SORCS3: variants seen among roughly 807,000 people sequenced by gnomAD.
SORCS3 encodes the protein sortilin related VPS10 domain containing receptor 3.
SORCS3 carries 57 observed loss-of-function variants against 146.3 expected under a neutral mutation model. The observed-to-expected ratio is 0.39, with a 90% CI of 0.31 to 0.49. SORCS3 has a LOEUF of 0.49. Ranked by LOEUF, SORCS3 falls within the 20% of genes least tolerant of loss-of-function variation. The probability of loss-of-function intolerance (pLI) is 0.92; values close to 1 mark genes in which losing one functional copy is unlikely to be tolerated. For missense variants in SORCS3, 1,341 were observed against 1,575.5 expected (o/e 0.85, Z 2.52); for synonymous variants, 653 against 618.5 (o/e 1.06, Z -0.83).
chr10:104,935,857 G>A (rs1207907068), intron 3 of SORCS3, among the ~76,000 whole-genome samples: 1 of 152,166 alleles, frequency 6.6e-6, no homozygotes. Context: ...TGGGTGGAGT[G>A]AAAGCACCTG....
At chr10:105,028,987 G>T (rs1272982929) in intron 4 of SORCS3, among the ~76,000 whole-genome samples, 2 of 152,170 alleles carry the variant, frequency 1.3e-5, no homozygotes, top group Non-Finnish European at 2.9e-5. Context: ...TGCCACAACA[G>T]CTCAACTCTA....
chr10:104,871,003 C>T (rs1337589728), intron 2 of SORCS3, among the ~76,000 whole-genome samples: 2 of 152,154 alleles, frequency 1.3e-5, no homozygotes, highest in Non-Finnish European at 2.9e-5. Flanking sequence ...GCACAGTGGG[C>T]AGAGCAGCCC....
chr10:104,902,965 C>G (rs991118253), intron 2 of SORCS3, among the ~76,000 whole-genome samples: 5 of 152,104 alleles, frequency 3.3e-5, no homozygotes, highest in African/African-American at 4.8e-5. Context: ...CCATGGAGAC[C>G]CCCTGAGCAG....
At position 105,159,138 on chromosome 10, in the gene SORCS3, C is replaced by G. The variant is rs1359357788; in HGVS notation, c.1732+144C>G. The G allele has an allele frequency of 2.0e-5, 12 of 588,602 alleles. No individual in the cohort carries two copies. In the Admixed American group the frequency reaches 2.5e-4, roughly 12 times the overall value. The allele number at this position is 588,602 out of a possible 1,614,324, so 36.5% of individuals were successfully genotyped here. ...AGAAAATATGCAGGGTTCCTCAATA[C>G]CCATCTAAGAACCTAACATGCAAAG... is the stretch of plus-strand genomic sequence containing the variant. On this transcript the variant is annotated intron_variant, in intron 11 of 26. Transcript: ENST00000369701.
At chr10:104,942,767 AGAG>A (rs1461956632) in intron 3 of SORCS3, among the ~76,000 whole-genome samples, 1 of 152,246 alleles carries the variant, frequency 6.6e-6, no homozygotes, top group African/African-American at 2.4e-5. Flanking sequence ...TTATCCAACT[AGAG>A]GAGAACTTCC....
intron 6 of SORCS3, among the ~76,000 whole-genome samples, chr10:105,104,613 A>T (rs908262370): frequency 6.6e-6 from 1 of 152,224 alleles, no homozygotes; most frequent in African/African-American, 2.4e-5. Context: ...TAAAAATAAT[A>T]AAAATGTATC....
At chr10:104,930,254 C>G (rs1473237181) in intron 3 of SORCS3, among the ~76,000 whole-genome samples, 1 of 152,146 alleles carries the variant, frequency 6.6e-6, no homozygotes, top group East Asian at 1.9e-4. Flanking sequence ...AGCAAAAAGA[C>G]TAAAGCTTTC....
intron 1 of SORCS3, among the ~76,000 whole-genome samples, chr10:104,828,458 C>T (rs1025640601): frequency 5.3e-5 from 8 of 152,076 alleles, no homozygotes; most frequent in African/African-American, 1.7e-4. Flanking sequence ...GGGCATGGTT[C>T]ATGGTGCCCA....
At chr10:104,850,800 A>G (rs1417712417) in intron 2 of SORCS3, among the ~76,000 whole-genome samples, 3 of 152,230 alleles carry the variant, frequency 2.0e-5, no homozygotes, top group Admixed American at 2.0e-4. Flanking sequence ...CCATACTGGG[A>G]AGTCAAACAG....
intron 3 of SORCS3, among the ~76,000 whole-genome samples, chr10:104,933,878 T>C (rs892932768): frequency 6.6e-6 from 1 of 152,156 alleles, no homozygotes; most frequent in South Asian, 2.1e-4. Flanking sequence ...CACTGCAACC[T>C]CCACAACCCG....
Position 105,110,320 on chromosome 10 carries a change from A to G in SORCS3, c.1212+4805A>G, listed in dbSNP as rs1364652493. The stretch of plus-strand genomic sequence containing the variant: ...CTCTTCATCATACAGGTTATTTTAA[A>G]TTATAGCAGTGTGTTTGCAATTTTT... On this transcript the variant is annotated intron_variant, in intron 7 of 26. Coordinates refer to ENST00000369701, the MANE Select transcript of SORCS3 (RefSeq NM_014978.3). Among the ~76,000 whole-genome samples, 3 of 152,036 alleles carry G rather than the reference A, an allele frequency of 2.0e-5. No homozygotes were observed. In the East Asian group the frequency reaches 5.8e-4, roughly 29 times the overall value.
At chr10:105,052,268 C>T (rs2055418387) in intron 5 of SORCS3, among the ~76,000 whole-genome samples, 1 of 152,132 alleles carries the variant, frequency 6.6e-6, no homozygotes, top group African/African-American at 2.4e-5. Context: ...CATCCACTCA[C>T]CTAATCCAGT....
chr10:104,954,000 C>G (rs1007641625), intron 3 of SORCS3, among the ~76,000 whole-genome samples: 2 of 151,988 alleles, frequency 1.3e-5, no homozygotes, highest in African/African-American at 2.4e-5. Flanking sequence ...TTGGGCAAGG[C>G]CAGGAAAATT....
chr10:104,778,089 A>G (rs2017330331), intron 1 of SORCS3, among the ~76,000 whole-genome samples: 1 of 152,218 alleles, frequency 6.6e-6, no homozygotes, highest in South Asian at 2.1e-4. Flanking sequence ...AATATATGGT[A>G]TATTTCAAAG....
At chr10:105,114,069 A>G (rs2055876987) in intron 7 of SORCS3, among the ~76,000 whole-genome samples, 3 of 152,166 alleles carry the variant, frequency 2.0e-5, no homozygotes, top group Non-Finnish European at 1.5e-5. Context: ...TCCTTTAGTA[A>G]TAAGATTCAT....
rs531139726 is a variant in SORCS3, at chr10:105,048,338, G to A, written c.1028+5210G>A. 2.2e-3 allele frequency among the ~76,000 whole-genome samples: 327 copies of A among 149,376 alleles called. 1 individual carries two copies. The highest frequency in any genetic ancestry group is 3.5e-3 in the Middle Eastern group (1 of 288). ...AGAAAATGTGGCACATATACACCAT[G>A]GAATACTATGCAGCCATAAAAAATG... On this transcript the variant is annotated intron_variant, in intron 5 of 26. Coordinates refer to ENST00000369701, the MANE Select transcript of SORCS3 (RefSeq NM_014978.3).
intron 7 of SORCS3, among the ~76,000 whole-genome samples, chr10:105,126,299 A>G (rs1202276197): frequency 1.3e-5 from 2 of 152,078 alleles, no homozygotes; most frequent in Admixed American, 6.6e-5. Context: ...CCTGGTACCA[A>G]CAACTCACCT....
intron 20 of SORCS3, among the ~76,000 whole-genome samples, chr10:105,240,418 A>G (rs1335601261): frequency 6.6e-6 from 1 of 152,212 alleles, no homozygotes; most frequent in Non-Finnish European, 1.5e-5. Flanking sequence ...GCAGTAAAAC[A>G]AAACGGAAAA....
chr10:104,867,556 G>A (rs1424229562), intron 2 of SORCS3, among the ~76,000 whole-genome samples: 7 of 152,026 alleles, frequency 4.6e-5, no homozygotes, highest in Non-Finnish European at 8.8e-5. Context: ...TGATCTGCCC[G>A]CCTAGGCCTC....
Sources: allele counts gnomAD v4.1 joint callset (sites outside exome capture counted in the v4.1 genomes callset), GRCh38; gene constraint gnomAD v4.1.1; transcripts MANE v1.5; gene names NCBI Gene and HGNC (gene_info 2026-07-23, HGNC 2026-07-21).